MNAT1: variants seen among roughly 807,000 people sequenced by gnomAD.
MNAT1 encodes CDK-activating kinase assembly factor MAT1.
A neutral mutation model predicts 42.0 loss-of-function variants in MNAT1; 43 were observed. The ratio of observed to expected loss-of-function variants is 1.02; its 90% CI spans 0.80 to 1.32. The LOEUF is 1.32. Among genes scored for constraint, MNAT1 ranks in the 40% most tolerant of loss-of-function variants. The probability of loss-of-function intolerance (pLI) is 0.00; values close to 1 mark genes in which losing one functional copy is unlikely to be tolerated. For synonymous variants in MNAT1, 118 were observed against 120.0 expected (o/e 0.98, Z 0.11); for missense variants, 306 against 350.4 (o/e 0.87, Z 1.01).
chr14:60,955,821 A>AT (rs1198448055), intron 7 of MNAT1, among the ~76,000 whole-genome samples: 1 of 151,314 alleles, frequency 6.6e-6, no homozygotes, highest in African/African-American at 2.4e-5. Flanking sequence ...TTGTTTAGTG[A>AT]TTTTTTTCAT....
chr14:60,865,519 T>G (rs2034184508), intron 6 of MNAT1, among the ~76,000 whole-genome samples: 1 of 152,120 alleles, frequency 6.6e-6, no homozygotes, highest in South Asian at 2.1e-4. Context: ...TCTAATCAGA[T>G]AGTCTCCTTG....
At chr14:60,864,817 G>A (rs1276871298) in intron 6 of MNAT1, among the ~76,000 whole-genome samples, 1 of 151,908 alleles carries the variant, frequency 6.6e-6, no homozygotes, top group African/African-American at 2.4e-5. Context: ...TTTGGTTTGG[G>A]GAAGTTAGAT....
intron 5 of MNAT1, among the ~76,000 whole-genome samples, chr14:60,816,075 G>A (rs1453687984): frequency 1.4e-4 from 21 of 152,016 alleles, no homozygotes; most frequent in Non-Finnish European, 1.5e-5. Flanking sequence ...ATGTCTAGAA[G>A]CTTAATTCTT....
At chr14:60,911,259 T>C (rs1281285607) in intron 7 of MNAT1, among the ~76,000 whole-genome samples, 1 of 152,192 alleles carries the variant, frequency 6.6e-6, no homozygotes, top group Non-Finnish European at 1.5e-5. Context: ...ATTTTGTTGA[T>C]CTTTTCAAAA....
At chr14:60,840,900 G>C (rs1339470823) in intron 6 of MNAT1, among the ~76,000 whole-genome samples, 1 of 152,050 alleles carries the variant, frequency 6.6e-6, no homozygotes, top group African/African-American at 2.4e-5. Context: ...CCTGACCTCA[G>C]GTGATCCGCC....
intron 6 of MNAT1, among the ~76,000 whole-genome samples, chr14:60,823,042 G>A (rs138582111): frequency 9.2e-5 from 14 of 152,030 alleles, no homozygotes; most frequent in Non-Finnish European, 1.0e-4. Flanking sequence ...CACTGTGCCC[G>A]GCTGAGGAGC....
intron 1 of MNAT1, among the ~76,000 whole-genome samples, chr14:60,748,833 A>G (rs34732694): frequency 1.3e-5 from 2 of 152,208 alleles, no homozygotes; most frequent in African/African-American, 4.8e-5. Flanking sequence ...TTAAGAAGTC[A>G]CAGTATCGTA....
intron 6 of MNAT1, among the ~76,000 whole-genome samples, chr14:60,834,477 T>A (rs2033318345): frequency 6.6e-6 from 1 of 152,178 alleles, no homozygotes. Context: ...TTTGAGTGAG[T>A]TTCTTAATCC....
chr14:60,913,363 C>A (rs1019342579), intron 7 of MNAT1, among the ~76,000 whole-genome samples: 2 of 152,196 alleles, frequency 1.3e-5, no homozygotes, highest in East Asian at 3.9e-4. Context: ...TGTTCCGTTG[C>A]TGGTGAGGAG....
At chr14:60,967,099 A>G (rs1347819561) in intron 7 of MNAT1, among the ~76,000 whole-genome samples, 1 of 152,162 alleles carries the variant, frequency 6.6e-6, no homozygotes, top group Non-Finnish European at 1.5e-5. Flanking sequence ...ATGTGAATAA[A>G]TTATAGCTAA....
intron 6 of MNAT1, among the ~76,000 whole-genome samples, chr14:60,837,993 C>G (rs1356256998): frequency 6.6e-6 from 1 of 152,148 alleles, no homozygotes; most frequent in Non-Finnish European, 1.5e-5. Flanking sequence ...CTATAGGAAT[C>G]TCTAGTAATG....
intron 6 of MNAT1, among the ~76,000 whole-genome samples, chr14:60,877,907 C>G (rs1049362598): frequency 6.6e-6 from 1 of 151,782 alleles, no homozygotes; most frequent in African/African-American, 2.4e-5. Flanking sequence ...ATAAAATTTT[C>G]TTATTTTATT....
At chr14:60,842,070 A>G (rs1245320605) in intron 6 of MNAT1, among the ~76,000 whole-genome samples, 1 of 152,220 alleles carries the variant, frequency 6.6e-6, no homozygotes, top group African/African-American at 2.4e-5. Context: ...GAGGTGGACA[A>G]ACGGCAGCTA....
chr14:60,845,252 ATTTG>A (rs2033654099), intron 6 of MNAT1, among the ~76,000 whole-genome samples: 1 of 151,826 alleles, frequency 6.6e-6, no homozygotes, highest in African/African-American at 2.4e-5. Context: ...TGGGACTCTA[ATTTG>A]TTTGTATATA....
At chr14:60,797,960 T>C in intron 2 of MNAT1, 127 bp from the exon 3 acceptor site, 1 of 511,268 alleles carries the variant, frequency 2.0e-6, no homozygotes, top group Middle Eastern at 5.6e-4. Context: ...TAGAGAACGA[T>C]GTTTTACACA....
intron 7 of MNAT1, among the ~76,000 whole-genome samples, chr14:60,949,891 A>G (rs774489873): frequency 4.6e-5 from 7 of 152,170 alleles, no homozygotes; most frequent in Admixed American, 1.3e-4. Flanking sequence ...ATGTTTTTTA[A>G]AAACTTGAAA....
intron 7 of MNAT1, among the ~76,000 whole-genome samples, chr14:60,930,132 A>G (rs2035855286): frequency 6.6e-6 from 1 of 151,604 alleles, no homozygotes; most frequent in Non-Finnish European, 1.5e-5. Flanking sequence ...CACTATCATC[A>G]GTCAATTCCA....
intron 6 of MNAT1, among the ~76,000 whole-genome samples, chr14:60,869,321 G>A (rs990446950): frequency 6.6e-6 from 1 of 151,686 alleles, no homozygotes; most frequent in African/African-American, 2.4e-5. Flanking sequence ...GATTACAGGC[G>A]TGAGCCACTG....
chr14:60,833,455 G>A (rs568319865), intron 6 of MNAT1, among the ~76,000 whole-genome samples: 1 of 152,224 alleles, frequency 6.6e-6, no homozygotes, highest in Admixed American at 6.5e-5. Flanking sequence ...TTTGTCATTG[G>A]TTCTGTTTAT....
Sources: gnomAD v4.1 joint callset for allele counts (sites outside exome capture counted in the v4.1 genomes callset) on GRCh38, gnomAD v4.1.1 for gene constraint, MANE v1.5 for transcripts, NCBI Gene and HGNC (gene_info 2026-07-23, HGNC 2026-07-21) for gene names.